DNM2: variants seen among roughly 807,000 people sequenced by gnomAD.
DNM2 encodes the protein dynamin-2.
In DNM2, 15 loss-of-function variants were observed where a neutral mutation model predicts 99.0. The observed-to-expected ratio is 0.15, with a 90% CI of 0.10 to 0.23. The LOEUF (loss-of-function observed/expected upper bound fraction) is 0.23. Ranked by LOEUF, DNM2 falls within the 10% of genes least tolerant of loss-of-function variation. The pLI is 1.00. For synonymous variants in DNM2, 525 were observed against 481.2 expected (o/e 1.09, Z -1.19); for missense variants, 742 against 1,189.4 (o/e 0.62, Z 5.53).
In DNM2 at chr19:10,764,377, G is replaced by A. The variant is rs1324140428; in HGVS notation, c.235+4566G>A. Among the ~76,000 whole-genome samples the A allele has an allele frequency of 6.6e-6, 1 of 152,180 alleles. No individual in the cohort carries two copies. Among genetic ancestry groups the A allele is most frequent in the Non-Finnish European group, 1.5e-5 (1 of 68,032 alleles). ...CAGCCCACGTTCCCCTCTGGTTCCC[G>A]CAGCTTGCCCTCATTCCAGCCATCC... On this transcript the variant is annotated intron_variant, in intron 2 of 20. Transcript: ENST00000389253. The surrounding 1 kb of genome is among the most constrained non-coding windows in gnomAD (Gnocchi z 4.1).
In DNM2 at chr19:10,831,243, G is replaced by A. The variant is rs2073340859; in HGVS notation, c.*196G>A. 7.5e-6 allele frequency: 10 copies of A among 1,329,180 alleles called. No individual in the cohort carries two copies. Among genetic ancestry groups the A allele is most frequent in the African/African-American group, 1.5e-5 (1 of 65,022 alleles). 82.3% of individuals were successfully genotyped at this position (1,329,180 alleles called of 1,614,324 possible). A position where few individuals can be genotyped will look rare whatever the true frequency, so the allele number is the denominator to read the frequency against. Reference sequence around the variant, plus strand: ...ACACCGCACTGCGCAAAGGGGCCCTGGAGCTCCAGGCAGGGGGCGCTGGGG... The same window carrying A: ...ACACCGCACTGCGCAAAGGGGCCCTAGAGCTCCAGGCAGGGGGCGCTGGGG... On this transcript the variant is annotated 3_prime_UTR_variant, in exon 21 of 21. Coordinates refer to ENST00000389253, the MANE Select transcript of DNM2 (RefSeq NM_001005361.3). The surrounding 1 kb of genome is among the most constrained non-coding windows in gnomAD (Gnocchi z 4.3).
chr19:10,816,691 C>T lies in DNM2; in HGVS notation c.1672-3289C>T, dbSNP rs1041740657. Reference sequence around the variant, plus strand: ...AGAGCTGGTGCCCTGCCTTTCAGTTCAGGGCTGTGGGGACCTTCCAGGGTC... The same window carrying T: ...AGAGCTGGTGCCCTGCCTTTCAGTTTAGGGCTGTGGGGACCTTCCAGGGTC... On this transcript the variant is annotated intron_variant, in intron 15 of 20. Transcript: ENST00000389253. This position sits in a 1 kb window ranked among gnomAD's most constrained non-coding sequence, Gnocchi z 4.6. 2.0e-5 allele frequency among the ~76,000 whole-genome samples: 3 copies of T among 152,162 alleles called. No homozygotes were observed. The highest frequency in any genetic ancestry group is 7.2e-5 in the African/African-American group (3 of 41,436).
intron 18 of DNM2, among the ~76,000 whole-genome samples, chr19:10,825,746 C>T (rs547815721): frequency 4.0e-5 from 6 of 150,684 alleles, no homozygotes; most frequent in East Asian, 3.9e-4. Context: ...TCCAGCTACC[C>T]GGGAAGCTGA....
chr19:10,824,800 CTG>C (rs980889779), intron 17 of DNM2: 101 of 527,650 alleles, frequency 1.9e-4, no homozygotes, highest in African/African-American at 1.5e-3. Flanking sequence ...CATAGCAAGA[CTG>C]TGTCAAAAAA....
chr19:10,724,601 C>T (rs901556301), intron 1 of DNM2, among the ~76,000 whole-genome samples: 1 of 152,128 alleles, frequency 6.6e-6, no homozygotes, highest in Admixed American at 6.6e-5. Flanking sequence ...GGAGGATGCC[C>T]GGAGGCCAGT....
chr19:10,726,274 T>A (rs1456943715), intron 1 of DNM2, among the ~76,000 whole-genome samples: 2 of 151,830 alleles, frequency 1.3e-5, no homozygotes, highest in African/African-American at 4.8e-5. Flanking sequence ...TTGCTCAGTT[T>A]GGTGTCAAAC....
At chr19:10,756,671 C>G (rs914608442) in intron 1 of DNM2, among the ~76,000 whole-genome samples, 3 of 152,120 alleles carry the variant, frequency 2.0e-5, no homozygotes, top group African/African-American at 7.2e-5. Context: ...GCTGCAGAGA[C>G]AGGATGCAGA....
chr19:10,733,352 C>T (rs1037053324), intron 1 of DNM2, among the ~76,000 whole-genome samples: 6 of 151,388 alleles, frequency 4.0e-5, no homozygotes, highest in African/African-American at 7.3e-5. Flanking sequence ...CCACAATGGC[C>T]GGCATTTTTT....
rs61545691 is a variant in DNM2, at chr19:10,772,054, TTTTTATTTTA to T, written c.236-406_236-397del. On this transcript the variant is annotated intron_variant, in intron 2 of 20. Transcript: ENST00000389253. The surrounding 1 kb of genome is among the most constrained non-coding windows in gnomAD (Gnocchi z 4.9). ...GACGATGATTGGGTCATTATTTTCTTTTTTATTTTATTTTATTTTATTTTATTTATTTTTT... is the reference window on the plus strand; with the variant it reads ...GACGATGATTGGGTCATTATTTTCTTTTTTATTTTATTTTATTTATTTTTT... Among the ~76,000 whole-genome samples, 565 of 146,576 alleles carry T rather than the reference TTTTTATTTTA, an allele frequency of 3.9e-3. 1 individual carries two copies. The highest frequency in any genetic ancestry group is 0.012 in the African/African-American group (476 of 39,738).
intron 13 of DNM2, among the ~76,000 whole-genome samples, chr19:10,807,068 CTTATTA>C (rs571088217): frequency 2.6e-5 from 4 of 151,494 alleles, no homozygotes; most frequent in African/African-American, 9.7e-5. Context: ...CCTTCAGTAC[CTTATTA>C]TTATTATTAT....
intron 1 of DNM2, among the ~76,000 whole-genome samples, chr19:10,744,751 G>T (rs2069900871): frequency 6.6e-6 from 1 of 152,164 alleles, no homozygotes; most frequent in South Asian, 2.1e-4. Context: ...CAGGACACCT[G>T]TTGCAAGATG....
At chr19:10,819,463 T>C (rs1449399965) in intron 15 of DNM2, among the ~76,000 whole-genome samples, 1 of 152,158 alleles carries the variant, frequency 6.6e-6, no homozygotes, top group Non-Finnish European at 1.5e-5. Context: ...AAAAGTTCCA[T>C]TCACTTCGTG....
chr19:10,778,054 T>TATTTATTTATTC (rs1225308146), intron 5 of DNM2, among the ~76,000 whole-genome samples: 9 of 151,346 alleles, frequency 5.9e-5, no homozygotes, highest in African/African-American at 2.2e-4. Context: ...TTTATTTATT[T>TATTTATTTATTC]ATGAGACGGA....
chr19:10,782,621 G>C (rs1028617825), intron 5 of DNM2, among the ~76,000 whole-genome samples: 1 of 152,054 alleles, frequency 6.6e-6, no homozygotes, highest in African/African-American at 2.4e-5. Flanking sequence ...GCCTCCCAAA[G>C]TGATGGGATT....
rs1428679687 is a variant in DNM2, at chr19:10,783,017, G to A, written c.746G>A (p.Arg249His). 9 of 1,614,160 alleles carry A rather than the reference G, an allele frequency of 5.6e-6. No homozygotes were observed. Among genetic ancestry groups the A allele is most frequent in the Non-Finnish European group, 7.6e-6 (9 of 1,180,050 alleles). Reference protein sequence around the residue: ...QKDIEGKKDIRAALAAERKFF... With the variant: ...QKDIEGKKDIHAALAAERKFF... The stretch of plus-strand genomic sequence containing the variant: ...GATATTGAGGGCAAGAAGGACATCC[G>A]TGCAGCACTGGCAGCTGAGAGGAAG... The change falls in exon 6 of 21, where the codon CGT (arginine) becomes CAT (histidine). Residue 249 changes from arginine (R) to histidine (H), a missense_variant. This residue lies in a region of DNM2 where 192 missense variants were observed against 358.9 expected (regional missense o/e 0.54). Coordinates refer to ENST00000389253, the MANE Select transcript of DNM2 (RefSeq NM_001005361.3).
intron 1 of DNM2, among the ~76,000 whole-genome samples, chr19:10,753,170 A>G (rs1214227448): frequency 6.6e-6 from 1 of 152,120 alleles, no homozygotes; most frequent in African/African-American, 2.4e-5. Context: ...AAAGTTCTCA[A>G]TGCCTTGCTT....
At chr19:10,804,527 CA>C (rs2072268720) in intron 12 of DNM2, among the ~76,000 whole-genome samples, 1 of 151,880 alleles carries the variant, frequency 6.6e-6, no homozygotes, top group African/African-American at 2.4e-5. Flanking sequence ...CCTGTCTCTA[CA>C]AAAAATACAA....
Position 10,822,194 on chromosome 19 carries a change from T to C in DNM2, c.1782-1594T>C, listed in dbSNP as rs545244423. ...TTTTTTCTTTTTCTTTTTCTTTTTT[T>C]TTTTTTTTTGAGATGGAGTCTTCCT... On this transcript the variant is annotated intron_variant, in intron 16 of 20. Coordinates refer to ENST00000389253, the MANE Select transcript of DNM2 (RefSeq NM_001005361.3). 2.0e-5 allele frequency among the ~76,000 whole-genome samples: 3 copies of C among 151,006 alleles called. 1 individual carries two copies. In the South Asian group the frequency reaches 6.3e-4, roughly 32 times the overall value.
At chr19:10,790,615 C>G (rs190655438) in intron 7 of DNM2, among the ~76,000 whole-genome samples, 5 of 152,146 alleles carry the variant, frequency 3.3e-5, no homozygotes, top group Non-Finnish European at 7.4e-5. Context: ...TACAGGCATG[C>G]GCCACCACAC....
Sources: allele counts gnomAD v4.1 joint callset (sites outside exome capture counted in the v4.1 genomes callset), GRCh38; gene constraint gnomAD v4.1.1; regional missense constraint gnomAD v4.1.1; non-coding constraint Gnocchi (gnomAD v3.1); transcripts MANE v1.5; gene names NCBI Gene and HGNC (gene_info 2026-07-23, HGNC 2026-07-21).